TRERF1: variants seen among roughly 807,000 people sequenced by gnomAD.
TRERF1 encodes transcriptional-regulating factor 1.
TRERF1 carries 27 observed loss-of-function variants against 122.9 expected under a neutral mutation model. That is an observed-to-expected ratio of 0.22 (90% CI 0.16 to 0.30). The LOEUF is 0.30. Among genes scored for constraint, TRERF1 ranks in the 10% least tolerant of loss-of-function variants. The pLI, the probability that TRERF1 is intolerant of heterozygous loss-of-function variation, is 1.00. For synonymous variants in TRERF1, 636 were observed against 641.7 expected, an observed-to-expected ratio of 0.99 and a Z score of 0.13; for missense variants, 1,248 against 1,560.3, an observed-to-expected ratio of 0.80 and a Z score of 3.37.
intron 4 of TRERF1, among the ~76,000 whole-genome samples, chr6:42,300,126 CTT>C (rs141107329): frequency 0.01 from 1,528 of 152,304 alleles, 6 homozygotes; most frequent in Non-Finnish European, 0.016. Flanking sequence ...AAAGCCAAGT[CTT>C]TGTGGTTCCT....
chr6:42,327,972 A>G (rs1347082971), intron 3 of TRERF1, among the ~76,000 whole-genome samples: 2 of 149,242 alleles, frequency 1.3e-5, no homozygotes, highest in African/African-American at 2.5e-5. Flanking sequence ...TCATGCCCCA[A>G]TTACTATCCC....
At chr6:42,317,304 G>GTTA in intron 3 of TRERF1, among the ~76,000 whole-genome samples, 1 of 152,088 alleles carries the variant, frequency 6.6e-6, no homozygotes, top group Non-Finnish European at 1.5e-5. Context: ...AGAACCTGTT[G>GTTA]GGTAATTATA....
chr6:42,398,143 C>T (rs936565819), intron 2 of TRERF1, among the ~76,000 whole-genome samples: 9 of 152,202 alleles, frequency 5.9e-5, no homozygotes, highest in African/African-American at 1.9e-4. Context: ...CCAGCTCCAG[C>T]ACTTGCTAGC....
In TRERF1 at chr6:42,441,824, G is replaced by A. The variant is rs1383602626; in HGVS notation, c.-454+9353C>T. Among the ~76,000 whole-genome samples, 9 of 152,178 alleles carry A rather than the reference G, an allele frequency of 5.9e-5. No homozygotes were observed. The South Asian group carries it at 8.3e-4, about 14-fold the overall frequency. ...CCCAGTCCAGAGGGGTGAAAGACAC[G>A]TCCCACTGCAAGTATGACAGCAGCA... On this transcript the variant is annotated intron_variant, in intron 2 of 17. Transcript: ENST00000372922.
exon 11 of TRERF1, chr6:42,257,074 C>A: frequency 6.2e-7 from 1 of 1,614,206 alleles, no homozygotes; most frequent in Non-Finnish European, 8.5e-7. Context: ...GGGATTTCTG[C>A]TTGGAATCTC....
At chr6:42,398,354 T>C (rs1778926021) in intron 2 of TRERF1, among the ~76,000 whole-genome samples, 1 of 152,216 alleles carries the variant, frequency 6.6e-6, no homozygotes, top group African/African-American at 2.4e-5. Flanking sequence ...TTGTGCAGTA[T>C]GGTAATAAGG....
chr6:42,298,136 TG>T (rs569469782), intron 4 of TRERF1, among the ~76,000 whole-genome samples: 35 of 151,782 alleles, frequency 2.3e-4, no homozygotes, highest in Non-Finnish European at 1.3e-4. Flanking sequence ...AGATAGTTGT[TG>T]TTTTTTTTTG....
intron 3 of TRERF1, among the ~76,000 whole-genome samples, chr6:42,328,930 C>T (rs372511521): frequency 4.6e-5 from 7 of 152,072 alleles, no homozygotes; most frequent in Admixed American, 3.9e-4. Context: ...ACCAGGTCTC[C>T]GGGAAGTCAC....
At chr6:42,398,570 T>C (rs182053970) in intron 2 of TRERF1, among the ~76,000 whole-genome samples, 24 of 152,312 alleles carry the variant, frequency 1.6e-4, no homozygotes, top group Admixed American at 1.5e-3. Flanking sequence ...ACAGTTATGT[T>C]ATGGTTCTGC....
intron 3 of TRERF1, among the ~76,000 whole-genome samples, chr6:42,318,757 T>C (rs568737740): frequency 1.3e-5 from 2 of 152,376 alleles, no homozygotes; most frequent in Non-Finnish European, 2.9e-5. Context: ...GTAGCTGCAA[T>C]AGAGACCATG....
At chr6:42,350,163 G>A (rs1381636674) in intron 3 of TRERF1, among the ~76,000 whole-genome samples, 2 of 152,128 alleles carry the variant, frequency 1.3e-5, no homozygotes, top group African/African-American at 4.8e-5. Context: ...GTCAGTGAAT[G>A]CAAAAGAGGC....
Position 42,404,072 on chromosome 6 carries a change from CA to C in TRERF1, c.-453-40994del, listed in dbSNP as rs538813876. On this transcript the variant is annotated intron_variant, in intron 2 of 17. Coordinates refer to ENST00000372922, the Ensembl canonical transcript of TRERF1. ...ACCCCACCCCACCTGCAAGAGGGAA[CA>C]TGCTGTGCCTGGGAGTCTTGAGTAC... 4.2e-3 allele frequency among the ~76,000 whole-genome samples: 635 copies of C among 152,280 alleles called. 7 individuals carry two copies. The highest frequency in any genetic ancestry group is 0.014 in the African/African-American group (600 of 41,534).
intron 3 of TRERF1, among the ~76,000 whole-genome samples, chr6:42,330,104 T>A (rs1479362235): frequency 6.6e-6 from 1 of 152,156 alleles, no homozygotes; most frequent in African/African-American, 2.4e-5. Flanking sequence ...CCTTAATATA[T>A]AAAGACAGCT....
chr6:42,383,716 G>A (rs1200337061), intron 2 of TRERF1, among the ~76,000 whole-genome samples: 1 of 152,072 alleles, frequency 6.6e-6, no homozygotes, highest in Non-Finnish European at 1.5e-5. Context: ...GGCTGCCCCA[G>A]TCCCCAGAGT....
rs559827551 is a variant in TRERF1 at position 42,276,601 on chromosome 6, T to G, written c.-258-6753A>C. Among the ~76,000 whole-genome samples, 2 of 152,336 alleles carry G rather than the reference T, an allele frequency of 1.3e-5. No individual in the cohort carries two copies. Among genetic ancestry groups the G allele is most frequent in the African/African-American group, 4.8e-5 (2 of 41,584 alleles). On this transcript the variant is annotated intron_variant, in intron 4 of 17. Coordinates refer to ENST00000372922, the Ensembl canonical transcript of TRERF1. The surrounding 1 kb of genome is among the most constrained non-coding windows in gnomAD (Gnocchi z 4.3). ...GCCGTCTTCTTTTTAGCACCGTTGT[T>G]GTTCTAAATGCTTTCTGATTAGTCT...
At chr6:42,298,570 T>G (rs1207497953) in intron 4 of TRERF1, among the ~76,000 whole-genome samples, 1 of 148,108 alleles carries the variant, frequency 6.8e-6, no homozygotes, top group Non-Finnish European at 1.5e-5. Context: ...TTTGGGAGGC[T>G]GAAGTGGGTG....
intron 2 of TRERF1, among the ~76,000 whole-genome samples, chr6:42,417,351 T>C (rs1346846583): frequency 1.1e-5 from 1 of 90,958 alleles, no homozygotes; most frequent in Non-Finnish European, 2.4e-5. Flanking sequence ...TCACTCCAAA[T>C]CCTCTGCCTC....
At chr6:42,405,809 T>TAAA (rs1179390267) in intron 2 of TRERF1, among the ~76,000 whole-genome samples, 2 of 131,576 alleles carry the variant, frequency 1.5e-5, no homozygotes, top group South Asian at 2.4e-4. Context: ...AAAAAAAAAT[T>TAAA]AAAAAAATTA....
chr6:42,253,214 C>A (rs924721559), intron 13 of TRERF1, among the ~76,000 whole-genome samples: 1 of 152,144 alleles, frequency 6.6e-6, no homozygotes, highest in Non-Finnish European at 1.5e-5. Flanking sequence ...TTGTTTGGTA[C>A]ACTTGGAAGA....
Sources: gnomAD v4.1 joint callset for allele counts (sites outside exome capture counted in the v4.1 genomes callset) on GRCh38, gnomAD v4.1.1 for gene constraint, Gnocchi (gnomAD v3.1) non-coding constraint, MANE v1.5 for transcripts, NCBI Gene and HGNC (gene_info 2026-07-23, HGNC 2026-07-21) for gene names.